UTP20: variants seen among roughly 807,000 people sequenced by gnomAD.
UTP20 encodes the protein small subunit processome component 20 homolog.
In UTP20, 164 loss-of-function variants were observed where a neutral mutation model predicts 329.5. The ratio of observed to expected loss-of-function variants is 0.50; its 90% CI spans 0.44 to 0.57. The LOEUF (loss-of-function observed/expected upper bound fraction) is 0.57, where lower values mean the gene tolerates loss of function less well. Among genes scored for constraint, UTP20 ranks in the 20% least tolerant of loss-of-function variants. The pLI is 0.00. For synonymous variants in UTP20, 1,151 were observed against 1,159.3 expected, an observed-to-expected ratio of 0.99 and a Z score of 0.14; for missense variants, 3,055 against 3,284.2, an observed-to-expected ratio of 0.93 and a Z score of 1.71.
chr12:101,358,968 G>A (rs549581267), intron 43 of UTP20, among the ~76,000 whole-genome samples: 2 of 152,226 alleles, frequency 1.3e-5, no homozygotes, highest in South Asian at 4.2e-4. Flanking sequence ...ATCATGATGT[G>A]TCTAAGTGTG....
At chr12:101,357,658 G>C (rs1869766879) in intron 43 of UTP20, among the ~76,000 whole-genome samples, 1 of 152,212 alleles carries the variant, frequency 6.6e-6, no homozygotes, top group Non-Finnish European at 1.5e-5. Context: ...GGAGGCTGAG[G>C]TGGGAGGATT....
intron 4 of UTP20, among the ~76,000 whole-genome samples, chr12:101,286,082 A>T (rs2137229304): frequency 6.6e-6 from 1 of 152,302 alleles, no homozygotes; most frequent in East Asian, 1.9e-4. Flanking sequence ...TACTAAGATA[A>T]TCTCATTTTT....
chr12:101,287,156 A>G (rs1006070633), intron 5 of UTP20, among the ~76,000 whole-genome samples: 3 of 152,312 alleles, frequency 2.0e-5, no homozygotes, highest in Middle Eastern at 3.4e-3. Flanking sequence ...AATATCAGTC[A>G]TCAGCCCCTT....
chr12:101,321,736 T>C, intron 25 of UTP20, 107 bp downstream of exon 25: 7 of 1,379,908 alleles, frequency 5.1e-6, no homozygotes, highest in Non-Finnish European at 6.8e-6. Context: ...TTTCATTTTC[T>C]ATTTTCTTTT....
At chr12:101,351,178 G>T (rs1593444222) in intron 38 of UTP20, among the ~76,000 whole-genome samples, 1 of 151,960 alleles carries the variant, frequency 6.6e-6, no homozygotes, top group East Asian at 1.9e-4. Flanking sequence ...CTAGGGTGGG[G>T]TGCAGTGGCA....
Position 101,375,624 on chromosome 12 carries a change from A to T in UTP20, c.7264A>T (p.Ile2422Phe). Residue 2422 changes from isoleucine (I) to phenylalanine (F), a missense_variant and splice_region_variant, in exon 56 of 62, where the codon ATC becomes TTC. Physicochemically the swap from Ile to Phe is conservative, Grantham distance 21 (BLOSUM62 0). Around this residue, in one of 3 missense-constraint regions of UTP20, gnomAD observed 273 missense variants for 363.1 expected, o/e 0.75. Coordinates refer to ENST00000261637, the MANE Select transcript of UTP20 (RefSeq NM_014503.3). ...KEIDPENFKD[I>F]MEETEEKAAD... ...TGATTTACATCCGTCTTGTTTTTAG[A>T]TCATGGAAGAAACTGAAGAAAAAGC... 6.2e-7 allele frequency: 1 copy of T among 1,610,058 alleles called. No individual in the cohort carries two copies.
At position 101,385,983 on chromosome 12, in the gene UTP20, G is replaced by T. The variant is rs750276172; in HGVS notation, c.8218G>T (p.Asp2740Tyr). 1.3e-6 allele frequency: 2 copies of T among 1,590,374 alleles called. No individual in the cohort carries two copies. Among genetic ancestry groups the T allele is most frequent in the Non-Finnish European group, 8.6e-7 (1 of 1,167,344 alleles). ...RKALEFVTNPDIAAKKKMKKH... is the reference protein window; with the variant it reads ...RKALEFVTNPYIAAKKKMKKH... The stretch of plus-strand genomic sequence containing the variant: ...TCTTTTCCAGTTTGTAACTAATCCT[G>T]ATATTGCTGCCAAGAAAAAAATGAA... Residue 2740 changes from aspartate to tyrosine, a missense_variant, in exon 62 of 62, where the codon GAT (aspartate) becomes TAT (tyrosine). This residue lies in a region of UTP20 where 337 missense variants were observed against 345.5 expected (regional missense o/e 0.98). Coordinates refer to ENST00000261637, the MANE Select transcript of UTP20 (RefSeq NM_014503.3).
intron 29 of UTP20, among the ~76,000 whole-genome samples, chr12:101,336,469 G>A (rs1868938283): frequency 6.6e-6 from 1 of 152,144 alleles, no homozygotes; most frequent in Admixed American, 6.5e-5. Flanking sequence ...GGGTGAACAT[G>A]TACTTTTTTG....
chr12:101,348,656 C>T (rs1869410822), intron 38 of UTP20, among the ~76,000 whole-genome samples: 2 of 139,892 alleles, frequency 1.4e-5, no homozygotes, highest in African/African-American at 5.2e-5. Context: ...TTTAAAATTT[C>T]TTATTTATTT....
Position 101,338,282 on chromosome 12 carries a change from G to A in UTP20, c.3868+5G>A. On this transcript the variant is annotated splice_donor_5th_base_variant and intron_variant, in intron 30 of 61. Transcript: ENST00000261637. ...GCATAGCAGAAAACATCGGTGGTAT[G>A]TATGCTGACAAAGCAGATAATTCTT... is the stretch of plus-strand genomic sequence containing the variant. The A allele has an allele frequency of 1.9e-6, 3 of 1,613,212 alleles. No homozygotes were observed. The highest frequency in any genetic ancestry group is 1.1e-5 in the South Asian group (1 of 91,058).
chr12:101,286,420 A>G lies in UTP20; in HGVS notation c.426A>G (p.Thr142=). The G allele has an allele frequency of 6.2e-7, 1 of 1,613,968 alleles. No homozygotes were observed. Among genetic ancestry groups the G allele is most frequent in the Non-Finnish European group, 8.5e-7 (1 of 1,179,934 alleles). Residue 142 remains threonine (T), a synonymous_variant, in exon 5 of 62, where the codon ACA becomes ACG. Coordinates refer to ENST00000261637, the MANE Select transcript of UTP20 (RefSeq NM_014503.3). ...CCTCGATCCTGGAGACTCAGGACAC[A>G]GAGTTGTTAGAATGGGCTTTCACCT... ...TITSILETQD[T]ELLEWAFTSL... is the part of the protein sequence containing the mutation.
At position 101,333,378 on chromosome 12, in the gene UTP20, C is replaced by T; in HGVS notation, c.3495C>T (p.Asp1165=). The T allele has an allele frequency of 6.2e-7, 1 of 1,613,920 alleles. No individual in the cohort carries two copies. The highest frequency in any genetic ancestry group is 8.5e-7 in the Non-Finnish European group (1 of 1,179,916). ...GIKMVTDIFL[D]WESYQFRTEE... Reference sequence around the variant, plus strand: ...AAATGGTAACTGATATCTTTTTGGACTGGGAATCATATCAGTTTAGAACAG... The same window carrying T: ...AAATGGTAACTGATATCTTTTTGGATTGGGAATCATATCAGTTTAGAACAG... Residue 1165 remains aspartate, a synonymous_variant, in exon 28 of 62, where the codon GAC becomes GAT. Transcript: ENST00000261637.
intron 5 of UTP20, among the ~76,000 whole-genome samples, chr12:101,287,089 A>G (rs1404812785): frequency 6.6e-6 from 1 of 152,068 alleles, no homozygotes; most frequent in African/African-American, 2.4e-5. Context: ...GTTTGGTGGG[A>G]TTTTCCACTT....
intron 39 of UTP20, 134 bp from the exon 40 acceptor site, chr12:101,352,913 C>T (rs1869583806): frequency 2.4e-6 from 1 of 412,054 alleles, no homozygotes; most frequent in African/African-American, 2.0e-5. Context: ...TAAGGTTATG[C>T]TAATACTTGT....
At chr12:101,340,282 C>G (rs1258527481) in intron 31 of UTP20, among the ~76,000 whole-genome samples, 1 of 152,174 alleles carries the variant, frequency 6.6e-6, no homozygotes, top group Non-Finnish European at 1.5e-5. Flanking sequence ...CTAACCCACA[C>G]AATCAGATAT....
intron 7 of UTP20, 40 bp from the exon 8 acceptor site, chr12:101,290,693 A>T (rs1223064829): frequency 6.4e-7 from 1 of 1,554,682 alleles, no homozygotes; most frequent in African/African-American, 1.4e-5. Context: ...CTTGAAAATA[A>T]GAGTTTATAT....
chr12:101,323,452 T>C (rs1402697503), intron 25 of UTP20, among the ~76,000 whole-genome samples: 1 of 152,254 alleles, frequency 6.6e-6, no homozygotes, highest in African/African-American at 2.4e-5. Context: ...AGCAGTAGGA[T>C]GCCTGTTTCA....
At chr12:101,373,819 C>A in intron 54 of UTP20, 52 bp downstream of exon 54, 5 of 1,567,898 alleles carry the variant, frequency 3.2e-6, no homozygotes, top group Non-Finnish European at 4.3e-6. Flanking sequence ...CTTTGGGGAT[C>A]ATAGTTTAAG....
intron 31 of UTP20, among the ~76,000 whole-genome samples, chr12:101,339,750 A>G (rs1307826691): frequency 5.9e-5 from 9 of 152,228 alleles, no homozygotes; most frequent in South Asian, 2.1e-4. Flanking sequence ...GGAAAGGTTA[A>G]TAAACCTGAG....
Sources: allele counts gnomAD v4.1 joint callset (sites outside exome capture counted in the v4.1 genomes callset), GRCh38; gene constraint gnomAD v4.1.1; regional missense constraint gnomAD v4.1.1; transcripts MANE v1.5; gene names NCBI Gene and HGNC (gene_info 2026-07-23, HGNC 2026-07-21).